Variants in FOXP1 observed in about 807,000 individuals in gnomAD.
FOXP1 encodes forkhead box protein P1.
Under a neutral mutation model 98.2 loss-of-function variants are expected in FOXP1, and 15 were observed. The observed-to-expected ratio is 0.15, with a 90% confidence interval of 0.10 to 0.24. FOXP1 has a LOEUF of 0.24. FOXP1 is among the 10% of genes least tolerant of loss of function. FOXP1 has a pLI of 1.00. For synonymous variants in FOXP1, 371 were observed against 314.5 expected (o/e 1.18, Z -1.90); for missense variants, 633 against 848.5 (o/e 0.75, Z 3.15).
chr3:71,232,802 G>A (rs1279759143), intron 5 of FOXP1, among the ~76,000 whole-genome samples: 1 of 140,370 alleles, frequency 7.1e-6, no homozygotes, highest in Non-Finnish European at 1.5e-5. Context: ...TTGGGATGAA[G>A]AGGGAAGATC....
intron 3 of FOXP1, among the ~76,000 whole-genome samples, chr3:71,418,954 C>T (rs928009826): frequency 3.0e-5 from 4 of 131,810 alleles, no homozygotes; most frequent in Non-Finnish European, 6.6e-5. Context: ...AAAAAAAAAG[C>T]CGGGTGCAGT....
intron 11 of FOXP1, among the ~76,000 whole-genome samples, chr3:71,020,722 A>G (rs2107789667): frequency 1.3e-5 from 2 of 152,292 alleles, no homozygotes; most frequent in Admixed American, 1.3e-4. Flanking sequence ...GCAGATTCCG[A>G]GCTTTTCCTG....
intron 3 of FOXP1, among the ~76,000 whole-genome samples, chr3:71,414,668 G>C (rs1218208208): frequency 6.6e-6 from 1 of 152,248 alleles, no homozygotes; most frequent in Non-Finnish European, 1.5e-5. Context: ...AGTAAGGGGA[G>C]AGGGCACGAG....
intron 4 of FOXP1, among the ~76,000 whole-genome samples, chr3:71,327,487 A>C (rs988554312): frequency 6.9e-6 from 1 of 144,536 alleles, no homozygotes; most frequent in African/African-American, 2.6e-5. Flanking sequence ...TCCCGGGTTC[A>C]CGCCATTCTC....
At chr3:71,417,099 C>T (rs201053232) in intron 3 of FOXP1, among the ~76,000 whole-genome samples, 1 of 152,178 alleles carries the variant, frequency 6.6e-6, no homozygotes, top group Non-Finnish European at 1.5e-5. Flanking sequence ...GAGGTCCTTA[C>T]AAAATGCTCA....
chr3:71,557,149 T>C (rs1023423147), intron 2 of FOXP1, among the ~76,000 whole-genome samples: 4 of 152,194 alleles, frequency 2.6e-5, no homozygotes, highest in Non-Finnish European at 5.9e-5. Flanking sequence ...AGAGACATAC[T>C]AGGAATTTTA....
At chr3:71,113,148 G>T (rs1346118084) in intron 6 of FOXP1, among the ~76,000 whole-genome samples, 8 of 152,254 alleles carry the variant, frequency 5.3e-5, no homozygotes, top group East Asian at 1.9e-4. Context: ...TATGGATTAG[G>T]CTACGTAGAA....
chr3:71,319,391 A>C (rs2075268238), intron 4 of FOXP1, among the ~76,000 whole-genome samples: 1 of 152,128 alleles, frequency 6.6e-6, no homozygotes, highest in Non-Finnish European at 1.5e-5. Flanking sequence ...AAATTCCCAA[A>C]GCCTCTAAGT....
intron 2 of FOXP1, among the ~76,000 whole-genome samples, chr3:71,553,904 A>G (rs183196663): frequency 6.6e-6 from 1 of 152,330 alleles, no homozygotes; most frequent in African/African-American, 2.4e-5. Flanking sequence ...GTAGTTAGCT[A>G]CAGTTTCTAT....
chr3:71,308,069 G>A (rs1405159817), intron 4 of FOXP1, among the ~76,000 whole-genome samples: 1 of 151,810 alleles, frequency 6.6e-6, no homozygotes, highest in Admixed American at 6.6e-5. Context: ...GATGCTGAGT[G>A]ACACATACTG....
intron 6 of FOXP1, among the ~76,000 whole-genome samples, chr3:71,141,296 A>T (rs1215032343): frequency 6.7e-6 from 1 of 149,716 alleles, no homozygotes; most frequent in African/African-American, 2.5e-5. Flanking sequence ...AGAAACTGTG[A>T]TCCAAACATC....
intron 3 of FOXP1, among the ~76,000 whole-genome samples, chr3:71,381,413 C>T (rs1436864531): frequency 3.4e-5 from 5 of 145,682 alleles, no homozygotes; most frequent in African/African-American, 1.3e-4. Flanking sequence ...GCTAGGATTA[C>T]AGGCGTGAGC....
Position 71,321,686 on chromosome 3 carries a change from A to T in FOXP1, c.-72-21806T>A, listed in dbSNP as rs547814180. ...GCCCAGGCCGGAGTGCAGTGGTGCG[A>T]TCTCCTCTCACTGCAACCTCTGCCT... On this transcript the variant is annotated intron_variant, in intron 4 of 20. Transcript: ENST00000649528. Among the ~76,000 whole-genome samples, 4 of 149,706 alleles carry T rather than the reference A, an allele frequency of 2.7e-5. No individual in the cohort carries two copies. In the Admixed American group the frequency reaches 2.7e-4, roughly 10 times the overall value.
At chr3:71,420,495 C>A (rs945864528) in intron 3 of FOXP1, among the ~76,000 whole-genome samples, 1 of 152,112 alleles carries the variant, frequency 6.6e-6, no homozygotes, top group Non-Finnish European at 1.5e-5. Flanking sequence ...TATCATGGGA[C>A]TCCTTAAAAT....
chr3:71,320,096 T>C (rs2075305738), intron 4 of FOXP1, among the ~76,000 whole-genome samples: 1 of 152,164 alleles, frequency 6.6e-6, no homozygotes, highest in South Asian at 2.1e-4. Context: ...CAAACTCATC[T>C]TGCAAAATGT....
At chr3:71,447,653 C>T (rs1369253829) in intron 3 of FOXP1, among the ~76,000 whole-genome samples, 2 of 152,226 alleles carry the variant, frequency 1.3e-5, no homozygotes, top group Non-Finnish European at 2.9e-5. Context: ...TTAAAGGAAG[C>T]TCATCCACGT....
At chr3:70,999,098 CTT>C (rs568803925) in intron 13 of FOXP1, among the ~76,000 whole-genome samples, 1 of 151,230 alleles carries the variant, frequency 6.6e-6, no homozygotes, top group Non-Finnish European at 1.5e-5. Flanking sequence ...TATTCTTTCT[CTT>C]TTTTTTTGAG....
At chr3:71,199,554 C>T (rs2063524017) in intron 5 of FOXP1, among the ~76,000 whole-genome samples, 2 of 151,422 alleles carry the variant, frequency 1.3e-5, no homozygotes, top group African/African-American at 4.9e-5. Context: ...TGGTGAAACC[C>T]TGTCTCTACT....
At chr3:71,409,977 T>C (rs956024118) in intron 3 of FOXP1, among the ~76,000 whole-genome samples, 1 of 152,144 alleles carries the variant, frequency 6.6e-6, no homozygotes, top group Non-Finnish European at 1.5e-5. Context: ...ATCACACCAC[T>C]GCACTCCAGC....
Sources: gnomAD v4.1 joint callset for allele counts (sites outside exome capture counted in the v4.1 genomes callset) on GRCh38, gnomAD v4.1.1 for gene constraint, MANE v1.5 for transcripts, NCBI Gene and HGNC (gene_info 2026-07-23, HGNC 2026-07-21) for gene names.